ADAMTS14: variants seen among roughly 807,000 people sequenced by gnomAD.
The protein encoded by ADAMTS14 is A disintegrin and metalloproteinase with thrombospondin motifs 14.
In ADAMTS14, 100 loss-of-function variants were observed where a neutral mutation model predicts 128.6. The observed-to-expected ratio is 0.78, with a 90% CI of 0.66 to 0.92. The LOEUF (loss-of-function observed/expected upper bound fraction) is 0.92, where lower values mean the gene tolerates loss of function less well. Among genes scored for constraint, ADAMTS14 ranks in the 40% least tolerant of loss-of-function variants. ADAMTS14 has a pLI of 0.00. For synonymous variants in ADAMTS14, 665 were observed against 653.8 expected (o/e 1.02, Z -0.26); for missense variants, 1,562 against 1,658.6 (o/e 0.94, Z 1.01).
At chr10:70,741,779 G>T (rs1842008489) in intron 12 of ADAMTS14, among the ~76,000 whole-genome samples, 1 of 152,184 alleles carries the variant, frequency 6.6e-6, no homozygotes, top group African/African-American at 2.4e-5. Context: ...GGACCATAGT[G>T]GTGCCAGTTC....
chr10:70,752,074 G>C, intron 17 of ADAMTS14, 21 bp from the exon 18 acceptor site: 1 of 1,601,008 alleles, frequency 6.2e-7, no homozygotes, highest in Non-Finnish European at 8.5e-7. Context: ...CTAGGCCCAC[G>C]GCAGCCTGCC....
At chr10:70,728,920 C>T (rs1435048629) in intron 4 of ADAMTS14, among the ~76,000 whole-genome samples, 5 of 152,156 alleles carry the variant, frequency 3.3e-5, no homozygotes, top group African/African-American at 7.2e-5. Context: ...GATGTTAGGG[C>T]GAGTGGCCTG....
Position 70,749,904 on chromosome 10 carries a change from C to T in ADAMTS14, c.2346C>T (p.Gly782=), listed in dbSNP as rs1564557392. The T allele has an allele frequency of 1.2e-6, 2 of 1,614,154 alleles. No homozygotes were observed. The highest frequency in any genetic ancestry group is 1.1e-5 in the South Asian group (1 of 91,086). ...EATSRTFTAM[G]LEWEDAVEDA... Reference sequence around the variant, plus strand: ...CAAGCCGGACCTTCACCGCCATGGGCCTGGAGTGGGAGGATGCGGTGGAGG... The same window carrying T: ...CAAGCCGGACCTTCACCGCCATGGGTCTGGAGTGGGAGGATGCGGTGGAGG... Residue 782 remains glycine (G), a synonymous_variant, in exon 16 of 22, where the codon GGC becomes GGT. Transcript: ENST00000373207.
At chr10:70,674,481 C>A in intron 1 of ADAMTS14, 75 bp from the exon 2 acceptor site, 2 of 1,450,438 alleles carry the variant, frequency 1.4e-6, no homozygotes, top group Admixed American at 1.8e-5. Context: ...TCCCTCCCTG[C>A]CCGCGTGGGA....
At chr10:70,678,974 GC>G (rs1839724437) in intron 2 of ADAMTS14, among the ~76,000 whole-genome samples, 1 of 152,172 alleles carries the variant, frequency 6.6e-6, no homozygotes, top group South Asian at 2.1e-4. Context: ...GTTATGGAGG[GC>G]CTTCTGGGTG....
chr10:70,753,912 C>T lies in ADAMTS14; in HGVS notation c.2842C>T (p.Pro948Ser), dbSNP rs1411221552. Reference protein sequence around the residue: ...PLSNGTHKVMPAKACAGDRPE... With the variant: ...PLSNGTHKVMSAKACAGDRPE... ...CTCCAATGGAACCCACAAGGTCATG[C>T]CGGCCAAAGCCTGCGCCGGGGACCG... The change falls in exon 19 of 22, where the codon CCG (proline) becomes TCG (serine). Residue 948 changes from proline to serine, a missense_variant. Coordinates refer to ENST00000373207, the MANE Select transcript of ADAMTS14 (RefSeq NM_080722.4). The T allele has an allele frequency of 1.9e-6, 3 of 1,589,930 alleles. No individual in the cohort carries two copies. The highest frequency in any genetic ancestry group is 1.7e-6 in the Non-Finnish European group (2 of 1,169,144).
intron 15 of ADAMTS14, among the ~76,000 whole-genome samples, 183 bp from the exon 16 acceptor site, chr10:70,749,639 G>A (rs1477072): frequency 0.28 from 41,518 of 149,374 alleles, 5,944 homozygotes; most frequent in Admixed American, 0.39. Flanking sequence ...GTGTGTGTGC[G>A]CGCACGTGGG....
At chr10:70,740,063 G>A (rs999007238) in intron 11 of ADAMTS14, among the ~76,000 whole-genome samples, 3 of 152,154 alleles carry the variant, frequency 2.0e-5, no homozygotes, top group Non-Finnish European at 2.9e-5. Context: ...ACCATTTATT[G>A]AGCTCCTGTG....
In ADAMTS14 at chr10:70,738,960, G is replaced by A. The variant is rs768901348; in HGVS notation, c.1718G>A (p.Arg573Gln). The A allele has an allele frequency of 1.6e-5, 25 of 1,612,240 alleles. No individual in the cohort carries two copies. The Admixed American group carries it at 1.8e-4, about 12-fold the overall frequency. ...TCGCGGTCATGTGGGGGCGGGGTGC[G>A]ATCCCGCAGCCGGAGCTGCAACAAC... is the stretch of plus-strand genomic sequence containing the variant. ...SCSRSCGGGV[R>Q]SRSRSCNNPS... Residue 573 changes from arginine to glutamine, a missense_variant, in exon 11 of 22, where the codon CGA becomes CAA. Arg to Gln is a conservative substitution (Grantham distance 43). Coordinates refer to ENST00000373207, the MANE Select transcript of ADAMTS14 (RefSeq NM_080722.4).
intron 3 of ADAMTS14, among the ~76,000 whole-genome samples, chr10:70,707,780 AG>A (rs963232846): frequency 5.3e-5 from 8 of 152,164 alleles, no homozygotes; most frequent in African/African-American, 1.9e-4. Context: ...ATTAGATTAG[AG>A]GTCAGTAAAG....
In ADAMTS14 at chr10:70,733,987, T is replaced by A. The variant is rs146538688; in HGVS notation, c.1311T>A (p.His437Gln). Residue 437 changes from histidine (H) to glutamine (Q), a missense_variant, in exon 8 of 22, where the codon CAT becomes CAA. By Grantham distance (24) the His-to-Gln change is conservative (BLOSUM62 0). Coordinates refer to ENST00000373207, the MANE Select transcript of ADAMTS14 (RefSeq NM_080722.4). ...TGCAGGCTGCCTTCCACCGCTTCCA[T>A]TGGTCCCGCTGCAGCAAGCTGGAGC... ...PLVQAAFHRF[H>Q]WSRCSKLELS... is the part of the protein sequence containing the mutation. 1.9e-6 allele frequency: 3 copies of A among 1,613,834 alleles called. No homozygotes were observed. The East Asian group carries it at 6.7e-5, about 36-fold the overall frequency.
Position 70,712,646 on chromosome 10 carries a change from C to G in ADAMTS14, c.870+3868C>G, listed in dbSNP as rs183230416. Among the ~76,000 whole-genome samples, 4 of 152,098 alleles carry G rather than the reference C, an allele frequency of 2.6e-5. No homozygotes were observed. In the East Asian group the frequency reaches 7.7e-4, roughly 29 times the overall value. ...TGCCAGAGAAGATGGAACCTGCCTG[C>G]GTGCAGACAGGAATTTTGCGTTGCT... On this transcript the variant is annotated intron_variant, in intron 4 of 21. Transcript: ENST00000373207.
chr10:70,734,567 C>T (rs1258545147), intron 8 of ADAMTS14, among the ~76,000 whole-genome samples: 1 of 152,194 alleles, frequency 6.6e-6, no homozygotes, highest in East Asian at 1.9e-4. Context: ...CCACTCCCAT[C>T]CTTGGCCCCA....
chr10:70,703,872 C>T (rs1840569790), intron 3 of ADAMTS14, among the ~76,000 whole-genome samples: 1 of 152,234 alleles, frequency 6.6e-6, no homozygotes, highest in Non-Finnish European at 1.5e-5. Context: ...AGGCCAGGCC[C>T]TGGTCCATCT....
At chr10:70,749,768 G>A (rs986156010) in intron 15 of ADAMTS14, 54 bp from the exon 16 acceptor site, 27 of 1,580,456 alleles carry the variant, frequency 1.7e-5, no homozygotes, top group African/African-American at 4.0e-5. Context: ...TTCATGGCCC[G>A]CCCCCTGTGG....
In ADAMTS14 at chr10:70,679,300, G is replaced by A. The variant is rs191684180; in HGVS notation, c.522+4305G>A. ...GGCAGGAAATAAGGGATGTGGGGGC[G>A]GGGCCTGGTCCTGCCTGCAAAGTGC... On this transcript the variant is annotated intron_variant, in intron 2 of 21. Transcript: ENST00000373207. Among the ~76,000 whole-genome samples, 309 of 152,308 alleles carry A rather than the reference G, an allele frequency of 2.0e-3. 3 individuals carry two copies. Among genetic ancestry groups the A allele is most frequent in the African/African-American group, 6.9e-3 (288 of 41,564 alleles).
At chr10:70,733,699 C>T (rs1378423759) in intron 7 of ADAMTS14, among the ~76,000 whole-genome samples, 186 bp from the exon 8 acceptor site, 1 of 152,180 alleles carries the variant, frequency 6.6e-6, no homozygotes, top group Non-Finnish European at 1.5e-5. Context: ...GAGCCCCGTC[C>T]CAGTGGGAGC....
In ADAMTS14 at chr10:70,688,248, G is replaced by C. The variant is rs1250195490; in HGVS notation, c.522+13253G>C. 2.1e-4 allele frequency among the ~76,000 whole-genome samples: 11 copies of C among 51,996 alleles called. 2 individuals carry two copies. In the South Asian group the frequency reaches 0.015, roughly 70 times the overall value. 34.1% of individuals were successfully genotyped at this position (51,996 alleles called of 152,430 possible). ...CCAGATGGGGCGGCGGGGCAGAGGC[G>C]CTCCCCACATCTCAGATGATGGGCG... On this transcript the variant is annotated intron_variant, in intron 2 of 21. Coordinates refer to ENST00000373207, the MANE Select transcript of ADAMTS14 (RefSeq NM_080722.4).
Position 70,744,207 on chromosome 10 carries a change from TG to T in ADAMTS14, c.2182+24del, listed in dbSNP as rs1345817605. The stretch of plus-strand genomic sequence containing the variant: ...GCAGGCAGGTGAGCCGGGCTGGGGC[TG>T]GGGGGATGACGAGGGCTGACTGGAG... On this transcript the variant is annotated intron_variant, in intron 14 of 21. Coordinates refer to ENST00000373207, the MANE Select transcript of ADAMTS14 (RefSeq NM_080722.4). 17 of 1,506,832 alleles carry T rather than the reference TG, an allele frequency of 1.1e-5. No individual in the cohort carries two copies. In the Middle Eastern group the frequency reaches 5.2e-4, roughly 46 times the overall value. 93.3% of individuals were successfully genotyped at this position (1,506,832 alleles called of 1,614,324 possible).
Sources: allele counts gnomAD v4.1 joint callset (sites outside exome capture counted in the v4.1 genomes callset), GRCh38; gene constraint gnomAD v4.1.1; transcripts MANE v1.5; gene names NCBI Gene and HGNC (gene_info 2026-07-23, HGNC 2026-07-21).